Variants in HS1BP3 observed in about 807,000 individuals in gnomAD.
HS1BP3 encodes the protein HCLS1-binding protein 3.
A neutral mutation model predicts 33.5 loss-of-function variants in HS1BP3; 32 were observed. The observed-to-expected ratio is 0.95, with a 90% CI of 0.72 to 1.28. The LOEUF (loss-of-function observed/expected upper bound fraction) is 1.28, where lower values mean the gene tolerates loss of function less well. Among genes scored for constraint, HS1BP3 ranks in the 50% most tolerant of loss-of-function variants. The probability of loss-of-function intolerance (pLI) is 0.00; values close to 1 mark genes in which losing one functional copy is unlikely to be tolerated. For synonymous variants in HS1BP3, 187 were observed against 209.2 expected, an observed-to-expected ratio of 0.89 and a Z score of 0.92; for missense variants, 486 against 502.3, an observed-to-expected ratio of 0.97 and a Z score of 0.31.
At chr2:20,594,448 G>A (rs1311766124) in intron 3 of HS1BP3, among the ~76,000 whole-genome samples, 1 of 152,220 alleles carries the variant, frequency 6.6e-6, no homozygotes, top group Admixed American at 6.5e-5. Context: ...TGCTGGGAAG[G>A]CATCAATGAC....
intron 5 of HS1BP3, among the ~76,000 whole-genome samples, chr2:20,568,155 A>G (rs1693180589): frequency 6.6e-6 from 1 of 152,154 alleles, no homozygotes. Context: ...GACAGACACA[A>G]ACCCAAGTCA....
chr2:20,606,689 C>T (rs538721375), intron 2 of HS1BP3: 8 of 297,414 alleles, frequency 2.7e-5, no homozygotes, highest in South Asian at 1.2e-4. Context: ...AACGCTACAG[C>T]CTCGCTAAGA....
chr2:20,584,145 G>T (rs900807944), intron 5 of HS1BP3, among the ~76,000 whole-genome samples: 3 of 152,198 alleles, frequency 2.0e-5, no homozygotes, highest in African/African-American at 4.8e-5. Flanking sequence ...GAGACTCCCT[G>T]TAGGCTGGGC....
chr2:20,597,185 A>T (rs534313538), intron 3 of HS1BP3, among the ~76,000 whole-genome samples: 1 of 152,258 alleles, frequency 6.6e-6, no homozygotes, highest in East Asian at 1.9e-4. Context: ...CCATCCCCTT[A>T]TTGACCTTCT....
At chr2:20,624,150 C>T (rs1694696354) in intron 5 of HS1BP3, 119 bp from the exon 6 acceptor site, 1 of 1,190,194 alleles carries the variant, frequency 8.4e-7, no homozygotes, top group East Asian at 2.6e-5. Flanking sequence ...ATTGATGCCT[C>T]TGCTCAACCT....
At chr2:20,648,237 C>T (rs544282546) in intron 1 of HS1BP3, among the ~76,000 whole-genome samples, 115 of 152,352 alleles carry the variant, frequency 7.5e-4, no homozygotes, top group African/African-American at 2.5e-3. Context: ...CGACATTCCC[C>T]TTGCTCCGTT....
chr2:20,644,720 T>A (rs1695463337), intron 2 of HS1BP3, among the ~76,000 whole-genome samples: 2 of 152,186 alleles, frequency 1.3e-5, no homozygotes, highest in Non-Finnish European at 2.9e-5. Context: ...TTTTGTTCCT[T>A]CCAATCCAAC....
chr2:20,607,013 A>G (rs866788675), intron 2 of HS1BP3, among the ~76,000 whole-genome samples: 1 of 151,708 alleles, frequency 6.6e-6, no homozygotes, highest in South Asian at 2.1e-4. Context: ...TTGGTGTCAT[A>G]TCTAATAATC....
At chr2:20,628,415 A>G (rs7422143) in intron 4 of HS1BP3, among the ~76,000 whole-genome samples, 50,042 of 151,778 alleles carry the variant, frequency 0.33, 8,581 homozygotes, top group East Asian at 0.59. Flanking sequence ...CAAAAAGTTT[A>G]CGGGAGGCCA....
At chr2:20,632,102 C>T (rs1694986902) in intron 4 of HS1BP3, among the ~76,000 whole-genome samples, 1 of 152,258 alleles carries the variant, frequency 6.6e-6, no homozygotes, top group Non-Finnish European at 1.5e-5. Flanking sequence ...GGATGCCCCA[C>T]TTCTCATTGG....
downstream of HS1BP3, among the ~76,000 whole-genome samples, chr2:20,615,425 C>T (rs4666317): frequency 0.22 from 34,193 of 152,252 alleles, 4,877 homozygotes; most frequent in East Asian, 0.48. Flanking sequence ...ACTGCAAGGC[C>T]TTAGGGTGCT....
intron 6 of HS1BP3, among the ~76,000 whole-genome samples, chr2:20,621,437 A>T (rs1694599049): frequency 6.6e-6 from 1 of 152,224 alleles, no homozygotes; most frequent in Admixed American, 6.5e-5. Flanking sequence ...GCCTTCATAG[A>T]CAGACCAGCT....
Position 20,619,205 on chromosome 2 carries a change from C to T in HS1BP3, c.961G>A (p.Glu321Lys), listed in dbSNP as rs754315788. The change falls in exon 7 of 7, where the codon GAG becomes AAG. Residue 321 changes from glutamate to lysine, a missense_variant. Coordinates refer to ENST00000304031, the MANE Select transcript of HS1BP3 (RefSeq NM_022460.4). ...TTAAGCTGGGGCTTGGGTTTGGGCTCAGCTCCCAGGTTCAGAATCTGGTCC... is the reference window on the plus strand; with the variant it reads ...TTAAGCTGGGGCTTGGGTTTGGGCTTAGCTCCCAGGTTCAGAATCTGGTCC... Reference protein sequence around the residue: ...DLDQILNLGAEPKPKPQLKPK... With the variant: ...DLDQILNLGAKPKPKPQLKPK... The T allele has an allele frequency of 1.9e-6, 3 of 1,613,082 alleles. No individual in the cohort carries two copies. Among genetic ancestry groups the T allele is most frequent in the African/African-American group, 2.7e-5 (2 of 75,014 alleles).
intron 2 of HS1BP3, among the ~76,000 whole-genome samples, chr2:20,601,015 A>G (rs748764157): frequency 1.3e-5 from 2 of 152,214 alleles, no homozygotes; most frequent in Non-Finnish European, 2.9e-5. Flanking sequence ...TTCAAGTACC[A>G]ATACTTAAAA....
chr2:20,600,061 T>C (rs1694037194), intron 2 of HS1BP3, among the ~76,000 whole-genome samples: 1 of 152,134 alleles, frequency 6.6e-6, no homozygotes, highest in Non-Finnish European at 1.5e-5. Context: ...GCTTCCTTCC[T>C]GGGGAGAGTA....
rs16987894 is a variant in HS1BP3 at position 20,611,418 on chromosome 2, C to T, written c.178+12478G>A. Among the ~76,000 whole-genome samples the T allele has an allele frequency of 0.016, 2,447 of 152,280 alleles. 45 individuals carry two copies. Among genetic ancestry groups the T allele is most frequent in the African/African-American group, 0.048 (1,979 of 41,540 alleles). On this transcript the variant is annotated intron_variant, in intron 2 of 3. Transcript: ENST00000415264. The surrounding 1 kb of genome is among the most constrained non-coding windows in gnomAD (Gnocchi z 4.9). ...TACAGGCCAGCCTGACCATGGGCCG[C>T]TGGGACTGCCAGAAACCTCTCTCCA...
At chr2:20,630,001 C>G (rs1378581448) in intron 4 of HS1BP3, among the ~76,000 whole-genome samples, 1 of 152,206 alleles carries the variant, frequency 6.6e-6, no homozygotes, top group Non-Finnish European at 1.5e-5. Context: ...AGCAGACCAC[C>G]AATGGGCACC....
At chr2:20,635,032 G>A (rs1337627909) in intron 4 of HS1BP3, 1 of 152,028 alleles carries the variant, frequency 6.6e-6, no homozygotes, top group Non-Finnish European at 1.5e-5. Flanking sequence ...TGGGAGGAGT[G>A]GGCCCTGAGG....
At chr2:20,640,615 G>T (rs72784311) in intron 3 of HS1BP3, 31,679 of 494,630 alleles carry the variant, frequency 0.064, 1,166 homozygotes, top group Admixed American at 0.11. Context: ...GGTTGGAGGA[G>T]GCAGAGGGGA....
Sources: gnomAD v4.1 joint callset for allele counts (sites outside exome capture counted in the v4.1 genomes callset) on GRCh38, gnomAD v4.1.1 for gene constraint, Gnocchi (gnomAD v3.1) non-coding constraint, MANE v1.5 for transcripts, NCBI Gene and HGNC (gene_info 2026-07-23, HGNC 2026-07-21) for gene names.